ADPRHL1: variants seen among roughly 807,000 people sequenced by gnomAD.
The protein encoded by ADPRHL1 is ADP-ribosylhydrolase like 1, also known as inactive ADP-ribosyltransferase ARH2.
A neutral mutation model predicts 44.1 loss-of-function variants in ADPRHL1; 43 were observed. That is an observed-to-expected ratio of 0.98 (90% CI 0.76 to 1.26). The LOEUF (loss-of-function observed/expected upper bound fraction) is 1.26. ADPRHL1 is among the 50% of genes most tolerant of loss of function. The pLI is 0.00. For synonymous variants in ADPRHL1, 878 were observed against 1,017.4 expected, an observed-to-expected ratio of 0.86 and a Z score of 2.61; for missense variants, 2,022 against 2,496.9, an observed-to-expected ratio of 0.81 and a Z score of 4.05.
intron 7 of ADPRHL1, among the ~76,000 whole-genome samples, chr13:113,417,791 G>A (rs1008821508): frequency 6.6e-5 from 10 of 152,376 alleles, no homozygotes; most frequent in Admixed American, 4.6e-4. Flanking sequence ...CTGGAAATGC[G>A]TTTACACACG....
In ADPRHL1 at chr13:113,402,002, G is replaced by A. The variant is rs1441946035; in HGVS notation, c.*1376C>T. 1.3e-5 allele frequency: 2 copies of A among 152,276 alleles called. No homozygotes were observed. Among genetic ancestry groups the A allele is most frequent in the African/African-American group, 4.8e-5 (2 of 41,472 alleles). The allele number at this position is 152,276 out of a possible 1,614,324, so 9.4% of individuals were successfully genotyped here. On this transcript the variant is annotated 3_prime_UTR_variant, in exon 8 of 8. Coordinates refer to ENST00000612156, the MANE Select transcript of ADPRHL1 (RefSeq NM_001394807.1). ...AGGTGCTCGCAGCAGGCACCAAAGC[G>A]CCTTTGCGAACGCTTAGGGCTGTTT...
intron 4 of ADPRHL1, among the ~76,000 whole-genome samples, chr13:113,428,281 G>A (rs1036190113): frequency 6.6e-6 from 1 of 151,430 alleles, no homozygotes; most frequent in Non-Finnish European, 1.5e-5. Flanking sequence ...TCAGCCTGAG[G>A]CTGTTTTGAA....
At chr13:113,421,218 C>T (rs1280267317) in intron 7 of ADPRHL1, among the ~76,000 whole-genome samples, 4 of 142,504 alleles carry the variant, frequency 2.8e-5, no homozygotes, top group Admixed American at 6.9e-5. Flanking sequence ...ACACGCCCAC[C>T]CCCAGGACAC....
chr13:113,438,690 A>T (rs977203207), intron 2 of ADPRHL1, among the ~76,000 whole-genome samples: 1 of 152,088 alleles, frequency 6.6e-6, no homozygotes, highest in Non-Finnish European at 1.5e-5. Flanking sequence ...TCAAAAAAAA[A>T]ATTTCTTTTT....
intron 7 of ADPRHL1, among the ~76,000 whole-genome samples, chr13:113,417,766 GCTT>G (rs1229862364): frequency 2.2e-5 from 1 of 44,744 alleles, no homozygotes; most frequent in African/African-American, 1.2e-4. Context: ...AACCAGGGAA[GCTT>G]CTGTGTGTTA....
At chr13:113,434,849 C>T (rs145732564) in intron 2 of ADPRHL1, among the ~76,000 whole-genome samples, 6,553 of 35,860 alleles carry the variant, frequency 0.18, 1,802 homozygotes, top group East Asian at 0.35. Flanking sequence ...CGGGACCCGG[C>T]ACCCAGGTGT....
intron 7 of ADPRHL1, chr13:113,422,612 G>C: frequency 1.5e-6 from 1 of 663,460 alleles, no homozygotes; most frequent in Non-Finnish European, 2.5e-6. Flanking sequence ...AATGTTGATG[G>C]TGGAGGACGG....
rs1037112058 is a variant in ADPRHL1, at chr13:113,448,902, G to A, written c.215-4313C>T. The A allele has an allele frequency of 4.1e-5, 40 of 970,922 alleles. No individual in the cohort carries two copies. The African/African-American group carries it at 6.0e-4, about 14-fold the overall frequency. 60.1% of individuals were successfully genotyped at this position (970,922 alleles called of 1,614,324 possible). On this transcript the variant is annotated intron_variant, in intron 1 of 7. Transcript: ENST00000612156. Reference sequence around the variant, plus strand: ...CACTTCCCCAGTTTTCCCAGGGAGTGGGGGTAGGGAGCTGGGAATGGCCAG... The same window carrying A: ...CACTTCCCCAGTTTTCCCAGGGAGTAGGGGTAGGGAGCTGGGAATGGCCAG...
intron 7 of ADPRHL1, among the ~76,000 whole-genome samples, chr13:113,416,296 C>A (rs2043887153): frequency 6.6e-6 from 1 of 151,974 alleles, no homozygotes; most frequent in South Asian, 2.1e-4. Context: ...AAGGCCTTGA[C>A]CTGAACATCT....
At chr13:113,419,002 T>TCCCTCCCTCCCTCCCTC (rs2043900488) in intron 7 of ADPRHL1, among the ~76,000 whole-genome samples, 1 of 34,136 alleles carries the variant, frequency 2.9e-5, no homozygotes, top group Non-Finnish European at 5.8e-5. Context: ...CTCCCTCCCT[T>TCCCTCCCTCCCTCCCTC]CCTCCCTCCC....
At chr13:113,415,750 C>CAAAAAAAA (rs71214119) in intron 7 of ADPRHL1, among the ~76,000 whole-genome samples, 782 of 63,016 alleles carry the variant, frequency 0.012, 76 homozygotes, top group Non-Finnish European at 0.018. Flanking sequence ...GACTCCATCT[C>CAAAAAAAA]AAAAAAAAAA....
In ADPRHL1 at chr13:113,400,194, G is replaced by A. The variant is rs1351479198; in HGVS notation, c.*3184C>T. The A allele has an allele frequency of 7.0e-6, 1 of 142,020 alleles. No homozygotes were observed. Among genetic ancestry groups the A allele is most frequent in the African/African-American group, 2.6e-5 (1 of 38,228 alleles). 8.8% of individuals were successfully genotyped at this position (142,020 alleles called of 1,614,324 possible). A position where few individuals can be genotyped will look rare whatever the true frequency, so the allele number is the denominator to read the frequency against. On this transcript the variant is annotated 3_prime_UTR_variant, in exon 8 of 8. Transcript: ENST00000612156. The stretch of plus-strand genomic sequence containing the variant: ...GGAGTCTCGCTCTGTCACCCAGGCT[G>A]GAGTGCAGTGGCGCAATCTCGGCTC...
Position 113,409,639 on chromosome 13 carries a change from T to C in ADPRHL1, c.1062-1419A>G. On this transcript the variant is annotated intron_variant, in intron 7 of 7. Coordinates refer to ENST00000612156, the MANE Select transcript of ADPRHL1 (RefSeq NM_001394807.1). The surrounding 1 kb of genome is among the most constrained non-coding windows in gnomAD (Gnocchi z 4.2). ...GTGGCTCACGCCTGTAATCTCAGCG[T>C]GATTTGGGAGGCCGAGGCTGGCAGA... is the stretch of plus-strand genomic sequence containing the variant. The C allele has an allele frequency of 3.0e-6, 3 of 983,808 alleles. No individual in the cohort carries two copies. Among genetic ancestry groups the C allele is most frequent in the Non-Finnish European group, 3.6e-6 (3 of 828,738 alleles). 60.9% of individuals were successfully genotyped at this position (983,808 alleles called of 1,614,324 possible).
chr13:113,451,769 C>T (rs2044180578), intron 1 of ADPRHL1, among the ~76,000 whole-genome samples: 1 of 152,146 alleles, frequency 6.6e-6, no homozygotes. Context: ...GATCACGCCA[C>T]TGCACTCCAG....
intron 4 of ADPRHL1, among the ~76,000 whole-genome samples, chr13:113,427,386 C>A (rs772340681): frequency 6.6e-6 from 1 of 152,210 alleles, no homozygotes; most frequent in Non-Finnish European, 1.5e-5. Flanking sequence ...CAGACAACAA[C>A]CTCAGCTGGA....
chr13:113,451,164 ATC>A (rs1233926743), intron 1 of ADPRHL1, among the ~76,000 whole-genome samples: 1 of 152,112 alleles, frequency 6.6e-6, no homozygotes, highest in East Asian at 1.9e-4. Context: ...CTCAGCTCCT[ATC>A]TCTGTATGGC....
chr13:113,448,465 C>CAAA (rs61278696), intron 1 of ADPRHL1, among the ~76,000 whole-genome samples: 752 of 39,844 alleles, frequency 0.019, 95 homozygotes, highest in Non-Finnish European at 0.022. Flanking sequence ...GACTATGTCC[C>CAAA]AAAAAAAAAA....
intron 2 of ADPRHL1, among the ~76,000 whole-genome samples, chr13:113,435,456 C>T (rs2044046474): frequency 1.6e-5 from 2 of 122,106 alleles, no homozygotes; most frequent in African/African-American, 3.3e-5. Context: ...GTAGAGTGAA[C>T]ATAGGTGTAC....
intron 1 of ADPRHL1, among the ~76,000 whole-genome samples, chr13:113,447,339 G>T (rs535171333): frequency 6.7e-6 from 1 of 150,156 alleles, no homozygotes; most frequent in East Asian, 2.0e-4. Context: ...TGTGCATGGC[G>T]TCTACACTCA....
Sources: gnomAD v4.1 joint callset for allele counts (sites outside exome capture counted in the v4.1 genomes callset) on GRCh38, gnomAD v4.1.1 for gene constraint, Gnocchi (gnomAD v3.1) non-coding constraint, MANE v1.5 for transcripts, NCBI Gene and HGNC (gene_info 2026-07-23, HGNC 2026-07-21) for gene names.